LRRC37A2: variants seen among roughly 807,000 people sequenced by gnomAD.
LRRC37A2 encodes leucine rich repeat containing 37 member A2.
Under a neutral mutation model 68.8 loss-of-function variants are expected in LRRC37A2, and 9 were observed. The observed-to-expected ratio is 0.13, with a 90% CI of 0.08 to 0.23. The LOEUF (loss-of-function observed/expected upper bound fraction) is 0.23, where lower values mean the gene tolerates loss of function less well. Ranked by LOEUF, LRRC37A2 falls within the 10% of genes least tolerant of loss-of-function variation. The pLI is 1.00. For synonymous variants in LRRC37A2, 63 were observed against 367.6 expected, an observed-to-expected ratio of 0.17 and a Z score of 9.48; for missense variants, 168 against 950.4, an observed-to-expected ratio of 0.18 and a Z score of 10.82.
the LRRC37A2 span, among the ~76,000 whole-genome samples, chr17:47,032,873 C>G: frequency 5.3e-5 from 8 of 152,158 alleles, no homozygotes; most frequent in African/African-American, 4.8e-5. Flanking sequence ...TTCTGTTGTT[C>G]CTCATTGCAA....
At chr17:46,995,867 C>T in the LRRC37A2 span, among the ~76,000 whole-genome samples, 10,734 of 152,306 alleles carry the variant, frequency 0.07, 500 homozygotes, top group Middle Eastern at 0.11. Context: ...CCTTGGTCAC[C>T]TGCCCAGTGT....
At chr17:46,502,439 T>A in the LRRC37A2 span, among the ~76,000 whole-genome samples, 1 of 150,922 alleles carries the variant, frequency 6.6e-6, no homozygotes, top group East Asian at 1.9e-4. Flanking sequence ...GTAGCTGGGA[T>A]TATAGGTACC....
the LRRC37A2 span, chr17:47,010,778 A>C: frequency 6.6e-6 from 1 of 152,218 alleles, no homozygotes; most frequent in Non-Finnish European, 1.5e-5. Context: ...GAAGTAGGCT[A>C]TGAAAGGGGG....
At chr17:46,392,419 C>CTCTCTTTCTTTCTTTCTT in the LRRC37A2 span, among the ~76,000 whole-genome samples, 3 of 55,752 alleles carry the variant, frequency 5.4e-5, 1 homozygote, top group African/African-American at 1.8e-4. Context: ...TTCTCTCTCT[C>CTCTCTTTCTTTCTTTCTT]TCTTTCTTTC....
At chr17:46,691,755 A>C in the LRRC37A2 span, among the ~76,000 whole-genome samples, 1 of 151,416 alleles carries the variant, frequency 6.6e-6, no homozygotes, top group African/African-American at 2.4e-5. Context: ...GTTAATCCCT[A>C]GTATTTTTTG....
chr17:46,940,388 G>T, the LRRC37A2 span: 28 of 1,543,490 alleles, frequency 1.8e-5, no homozygotes, highest in East Asian at 4.2e-4. Context: ...AGGGTGGACT[G>T]GGGGGTTGCA....
At chr17:46,886,042 C>T in the LRRC37A2 span, 1 of 152,196 alleles carries the variant, frequency 6.6e-6, no homozygotes, top group East Asian at 1.9e-4. Context: ...CCCACCCTCC[C>T]CAAGGTGGTC....
At chr17:46,896,474 A>C in the LRRC37A2 span, among the ~76,000 whole-genome samples, 1,589 of 131,026 alleles carry the variant, frequency 0.012, 36 homozygotes, top group African/African-American at 0.055. Context: ...GAAAGAAAGA[A>C]AGACAGACCA....
chr17:47,048,292 A>G, the LRRC37A2 span, among the ~76,000 whole-genome samples: 64 of 151,836 alleles, frequency 4.2e-4, no homozygotes, highest in African/African-American at 1.5e-3. Flanking sequence ...TTAATTCTGG[A>G]AAAGAAACCC....
the LRRC37A2 span, among the ~76,000 whole-genome samples, chr17:46,783,807 G>A: frequency 2.4e-4 from 36 of 152,336 alleles, no homozygotes; most frequent in African/African-American, 8.4e-4. Context: ...CCAAGCCAGG[G>A]TCTAGGAGCC....
At chr17:46,965,517 G>A in the LRRC37A2 span, among the ~76,000 whole-genome samples, 2 of 152,176 alleles carry the variant, frequency 1.3e-5, no homozygotes, top group African/African-American at 4.8e-5. Context: ...TGTGGACTGT[G>A]GGCTTCCCCC....
At chr17:46,774,439 G>A in the LRRC37A2 span, among the ~76,000 whole-genome samples, 44 of 152,352 alleles carry the variant, frequency 2.9e-4, no homozygotes, top group Admixed American at 9.8e-4. Context: ...GAGCCTCCCA[G>A]TATCTCCCCA....
At chr17:46,925,801 A>G in the LRRC37A2 span, among the ~76,000 whole-genome samples, 4 of 152,246 alleles carry the variant, frequency 2.6e-5, no homozygotes, top group Non-Finnish European at 5.9e-5. Context: ...TTAGATTGAC[A>G]TATTAAAGTT....
chr17:46,830,523 G>A, the LRRC37A2 span: 1 of 396,012 alleles, frequency 2.5e-6, no homozygotes, highest in Admixed American at 4.4e-5. Flanking sequence ...TGGGATTACA[G>A]GCATGAGCCA....
the LRRC37A2 span, among the ~76,000 whole-genome samples, chr17:46,927,429 A>G: frequency 1.3e-4 from 19 of 151,988 alleles, 1 homozygote; most frequent in East Asian, 3.5e-3. Context: ...GGGGGTGGGT[A>G]GTTTTTGGAT....
At chr17:46,821,934 C>T in the LRRC37A2 span, among the ~76,000 whole-genome samples, 2 of 152,210 alleles carry the variant, frequency 1.3e-5, no homozygotes, top group Admixed American at 6.5e-5. Context: ...ACCCGTCTGT[C>T]GCGGGGAAGG....
chr17:46,935,346 G>A, the LRRC37A2 span: 1 of 1,469,156 alleles, frequency 6.8e-7, no homozygotes, highest in Non-Finnish European at 9.0e-7. Flanking sequence ...GAGCCTGAAA[G>A]TACCCAGTTC....
chr17:46,871,601 A>C, the LRRC37A2 span, among the ~76,000 whole-genome samples: 74 of 152,286 alleles, frequency 4.9e-4, no homozygotes, highest in Admixed American at 9.8e-4. Context: ...AGTCCATTTC[A>C]TATAATCCTC....
chr17:46,405,101 T>G, the LRRC37A2 span, among the ~76,000 whole-genome samples: 1 of 72,926 alleles, frequency 1.4e-5, no homozygotes. Context: ...TGCTGAGGCA[T>G]GAGAATCGCT....
Sources: gnomAD v4.1 joint callset for allele counts (sites outside exome capture counted in the v4.1 genomes callset) on GRCh38, gnomAD v4.1.1 for gene constraint, MANE v1.5 for transcripts, NCBI Gene and HGNC (gene_info 2026-07-23, HGNC 2026-07-21) for gene names.